EXT1: variants seen among roughly 807,000 people sequenced by gnomAD.
EXT1 encodes the protein exostosin glycosyltransferase 1, also known as exostosin-1.
In EXT1, 20 loss-of-function variants were observed where a neutral mutation model predicts 82.5. That is an observed-to-expected ratio of 0.24 (90% CI 0.17 to 0.35). The LOEUF (loss-of-function observed/expected upper bound fraction) is 0.35. Among genes scored for constraint, EXT1 ranks in the 10% least tolerant of loss-of-function variants. The pLI is 1.00. For missense variants in EXT1, 757 were observed against 936.5 expected, an observed-to-expected ratio of 0.81 and a Z score of 2.50; for synonymous variants, 348 against 350.8, an observed-to-expected ratio of 0.99 and a Z score of 0.09.
Position 117,889,894 on chromosome 8 carries a change from A to G in EXT1, c.963-52693T>C, listed in dbSNP as rs17475218. ...AACCATGCGATTTAATTACTCTGCC[A>G]ACTCTGAAAAACCTATAGCTGGGTT... On this transcript the variant is annotated intron_variant, in intron 1 of 10. Coordinates refer to ENST00000378204, the MANE Select transcript of EXT1 (RefSeq NM_000127.3). Among the ~76,000 whole-genome samples the G allele has an allele frequency of 3.9e-3, 599 of 152,356 alleles. 6 individuals carry two copies. Among genetic ancestry groups the G allele is most frequent in the African/African-American group, 0.014 (579 of 41,588 alleles).
At chr8:117,813,312 T>C (rs1189618557) in intron 7 of EXT1, among the ~76,000 whole-genome samples, 1 of 147,144 alleles carries the variant, frequency 6.8e-6, no homozygotes, top group Non-Finnish European at 1.5e-5. Flanking sequence ...ATGGAGCAAC[T>C]AGCTGTCTGG....
intron 1 of EXT1, among the ~76,000 whole-genome samples, chr8:117,882,226 A>C (rs532852651): frequency 6.6e-6 from 1 of 152,118 alleles, no homozygotes; most frequent in Non-Finnish European, 1.5e-5. Context: ...GACTACAGGC[A>C]TGCACCACCA....
chr8:118,111,556 T>A lies in EXT1; in HGVS notation c.-510A>T. Reference sequence around the variant, plus strand: ...GCCGATCCCGGGTTCAGCCGGCTAGTGCATCTTGCAGCTGGGGCGCCGTAA... The same window carrying A: ...GCCGATCCCGGGTTCAGCCGGCTAGAGCATCTTGCAGCTGGGGCGCCGTAA... On this transcript the variant is annotated 5_prime_UTR_variant, in exon 1 of 11. Coordinates refer to ENST00000378204, the MANE Select transcript of EXT1 (RefSeq NM_000127.3). 2.3e-6 allele frequency: 1 copy of A among 437,536 alleles called. No homozygotes were observed. The highest frequency in any genetic ancestry group is 4.0e-6 in the Non-Finnish European group (1 of 248,470). The allele number at this position is 437,536 out of a possible 1,614,324, so 27.1% of individuals were successfully genotyped here.
At chr8:118,003,956 T>G (rs1427364588) in intron 1 of EXT1, among the ~76,000 whole-genome samples, 1 of 152,228 alleles carries the variant, frequency 6.6e-6, no homozygotes, top group African/African-American at 2.4e-5. Context: ...GTTTACAAAT[T>G]TTTTCATGAA....
chr8:117,864,715 C>T (rs1031113417), intron 1 of EXT1, among the ~76,000 whole-genome samples: 5 of 148,686 alleles, frequency 3.4e-5, no homozygotes, highest in Non-Finnish European at 5.9e-5. Context: ...CGCCACTGCA[C>T]TCCAGCCTGG....
At chr8:118,095,186 T>C (rs1315791998) in intron 1 of EXT1, among the ~76,000 whole-genome samples, 1 of 152,234 alleles carries the variant, frequency 6.6e-6, no homozygotes, top group African/African-American at 2.4e-5. Flanking sequence ...CTTATTTTCA[T>C]AGAAACCTAA....
intron 1 of EXT1, among the ~76,000 whole-genome samples, chr8:117,863,333 T>G (rs1160377972): frequency 9.0e-6 from 1 of 111,714 alleles, no homozygotes; most frequent in African/African-American, 2.6e-5. Flanking sequence ...GTGCATGCTC[T>G]TCACTTCTAT....
intron 1 of EXT1, among the ~76,000 whole-genome samples, chr8:117,877,269 G>C (rs1812987346): frequency 6.6e-6 from 1 of 152,200 alleles, no homozygotes; most frequent in African/African-American, 2.4e-5. Flanking sequence ...TGAGGAACCA[G>C]ATGTAGGCTC....
At chr8:117,847,991 T>G (rs866246536) in intron 1 of EXT1, among the ~76,000 whole-genome samples, 2 of 152,210 alleles carry the variant, frequency 1.3e-5, no homozygotes, top group Admixed American at 6.5e-5. Context: ...GCCTTGTGAC[T>G]TTGACAGTCA....
chr8:118,020,915 G>A (rs919894038), intron 1 of EXT1, among the ~76,000 whole-genome samples: 2 of 152,080 alleles, frequency 1.3e-5, no homozygotes, highest in Non-Finnish European at 2.9e-5. Flanking sequence ...CAAATTCTTC[G>A]GCATCACGTG....
intron 1 of EXT1, among the ~76,000 whole-genome samples, chr8:117,995,359 A>T (rs1386411185): frequency 6.6e-6 from 1 of 152,232 alleles, no homozygotes; most frequent in African/African-American, 2.4e-5. Context: ...TCTCTAATCC[A>T]ATCCAGGATT....
chr8:117,815,729 G>A (rs1415810683), intron 7 of EXT1, among the ~76,000 whole-genome samples: 4 of 152,182 alleles, frequency 2.6e-5, no homozygotes, highest in East Asian at 1.9e-4. Context: ...TTGGGAGTTC[G>A]AGACCAGCCT....
intron 1 of EXT1, among the ~76,000 whole-genome samples, chr8:117,858,758 A>AGGCAGGCAGGCAGGCAGGC (rs1563581987): frequency 9.1e-5 from 5 of 54,870 alleles, no homozygotes; most frequent in Middle Eastern, 8.8e-3. Context: ...GGAAGGAAGG[A>AGGCAGGCAGGCAGGCAGGC]AGGAAGGAAG....
At chr8:118,086,008 C>T (rs543041026) in intron 1 of EXT1, among the ~76,000 whole-genome samples, 1 of 152,312 alleles carries the variant, frequency 6.6e-6, no homozygotes, top group South Asian at 2.1e-4. Context: ...ATATACAGCT[C>T]ATCTGGCCCT....
intron 1 of EXT1, among the ~76,000 whole-genome samples, chr8:117,981,097 T>C (rs568341316): frequency 3.5e-4 from 53 of 152,332 alleles, no homozygotes; most frequent in Non-Finnish European, 6.3e-4. Flanking sequence ...AAAGAGAACT[T>C]ATTTATACAA....
At chr8:117,973,352 G>T (rs1243382476) in intron 1 of EXT1, among the ~76,000 whole-genome samples, 1 of 152,156 alleles carries the variant, frequency 6.6e-6, no homozygotes, top group African/African-American at 2.4e-5. Context: ...TCTAACCAGT[G>T]TTGTATGGGA....
At chr8:118,008,227 A>G (rs1815819672) in intron 1 of EXT1, among the ~76,000 whole-genome samples, 1 of 151,898 alleles carries the variant, frequency 6.6e-6, no homozygotes, top group Non-Finnish European at 1.5e-5. Flanking sequence ...TGTCTTCCAC[A>G]ATGGTTGAGC....
At chr8:118,036,267 A>C (rs944436630) in intron 1 of EXT1, among the ~76,000 whole-genome samples, 1 of 152,008 alleles carries the variant, frequency 6.6e-6, no homozygotes, top group Non-Finnish European at 1.5e-5. Context: ...TAATGACACC[A>C]GTATTCAGGC....
At chr8:117,962,620 G>A (rs1814723501) in intron 1 of EXT1, among the ~76,000 whole-genome samples, 1 of 152,176 alleles carries the variant, frequency 6.6e-6, no homozygotes. Flanking sequence ...GGGCTTTGTG[G>A]TGCATGCCTG....
Sources: gnomAD v4.1 joint callset for allele counts (sites outside exome capture counted in the v4.1 genomes callset) on GRCh38, gnomAD v4.1.1 for gene constraint, MANE v1.5 for transcripts, NCBI Gene and HGNC (gene_info 2026-07-23, HGNC 2026-07-21) for gene names.